NEK10: variants seen among roughly 807,000 people sequenced by gnomAD.
NEK10 encodes serine/threonine-protein kinase Nek10.
A neutral mutation model predicts 159.8 loss-of-function variants in NEK10; 122 were observed. That is an observed-to-expected ratio of 0.76 (90% confidence interval 0.66 to 0.89). The LOEUF (loss-of-function observed/expected upper bound fraction) is 0.89. NEK10 is among the 40% of genes least tolerant of loss of function. The pLI is 0.00. For synonymous variants in NEK10, 466 were observed against 457.1 expected (o/e 1.02, Z -0.25); for missense variants, 1,342 against 1,323.1 (o/e 1.01, Z -0.22).
chr3:27,302,225 G>A (rs988430196), intron 12 of NEK10, among the ~76,000 whole-genome samples: 4 of 152,024 alleles, frequency 2.6e-5, no homozygotes, highest in South Asian at 2.1e-4. Context: ...GAAATGTTTG[G>A]CCCTTTTCAT....
chr3:27,135,607 C>T (rs560553883), intron 31 of NEK10, among the ~76,000 whole-genome samples: 1 of 152,304 alleles, frequency 6.6e-6, no homozygotes, highest in South Asian at 2.1e-4. Context: ...AGAAGACTAT[C>T]CATTGTTCAC....
intron 1 of NEK10, among the ~76,000 whole-genome samples, chr3:27,367,978 A>G (rs550656789): frequency 3.2e-4 from 48 of 152,240 alleles, no homozygotes; most frequent in African/African-American, 1.1e-3. Flanking sequence ...GGGAAGGGAA[A>G]TGCCCTTATG....
intron 23 of NEK10, among the ~76,000 whole-genome samples, chr3:27,218,231 T>C (rs1575307348): frequency 6.6e-6 from 1 of 152,322 alleles, no homozygotes; most frequent in Non-Finnish European, 1.5e-5. Context: ...AACTTACAAA[T>C]TGTTTATTTC....
chr3:27,230,608 T>C (rs1327843769), intron 23 of NEK10, among the ~76,000 whole-genome samples: 1 of 151,930 alleles, frequency 6.6e-6, no homozygotes, highest in African/African-American at 2.4e-5. Flanking sequence ...ACCAAATATC[T>C]GCTGTCCTCA....
At chr3:27,172,228 G>A (rs1457151959) in intron 28 of NEK10, among the ~76,000 whole-genome samples, 4 of 150,660 alleles carry the variant, frequency 2.7e-5, no homozygotes, top group African/African-American at 9.8e-5. Flanking sequence ...CCAGCTACTC[G>A]GGAGGCTAAG....
chr3:27,310,704 T>C, intron 9 of NEK10: 1 of 371,922 alleles, frequency 2.7e-6, no homozygotes, highest in Admixed American at 4.7e-5. Context: ...TAAACCTAGT[T>C]GGTATTAAAT....
intron 31 of NEK10, among the ~76,000 whole-genome samples, chr3:27,132,433 T>C (rs1201990801): frequency 1.3e-5 from 2 of 152,130 alleles, no homozygotes; most frequent in African/African-American, 4.8e-5. Context: ...TCTGCTTTAG[T>C]AGTATATATA....
At chr3:27,127,188 G>A (rs1174536621) in intron 32 of NEK10, among the ~76,000 whole-genome samples, 1 of 152,016 alleles carries the variant, frequency 6.6e-6, no homozygotes, top group Non-Finnish European at 1.5e-5. Flanking sequence ...TCACTCTCAA[G>A]AATTGGAAAG....
intron 31 of NEK10, among the ~76,000 whole-genome samples, chr3:27,136,214 G>A (rs576442564): frequency 7.2e-6 from 1 of 139,572 alleles, no homozygotes; most frequent in Non-Finnish European, 1.5e-5. Context: ...CCAGGTTCAC[G>A]CCACTATCCT....
chr3:27,347,544 A>G (rs1310227941), intron 3 of NEK10, among the ~76,000 whole-genome samples: 3 of 132,770 alleles, frequency 2.3e-5, no homozygotes, highest in Non-Finnish European at 4.8e-5. Flanking sequence ...TCATTTTTTT[A>G]TTCAAAGAGA....
chr3:27,239,368 T>C (rs1309223570), intron 23 of NEK10, among the ~76,000 whole-genome samples: 1 of 152,162 alleles, frequency 6.6e-6, no homozygotes. Flanking sequence ...TTTCCCAAAT[T>C]GGCTGGAGCC....
intron 23 of NEK10, among the ~76,000 whole-genome samples, chr3:27,225,186 G>A (rs1199832455): frequency 6.6e-6 from 1 of 152,148 alleles, no homozygotes; most frequent in Non-Finnish European, 1.5e-5. Flanking sequence ...ATGAAGGCTG[G>A]GAGGTTAGGC....
chr3:27,234,140 T>G (rs895464559), intron 23 of NEK10, among the ~76,000 whole-genome samples: 1 of 152,084 alleles, frequency 6.6e-6, no homozygotes, highest in African/African-American at 2.4e-5. Flanking sequence ...AAGAGCCATA[T>G]ATGACAAACC....
intron 6 of NEK10, among the ~76,000 whole-genome samples, chr3:27,318,774 C>T (rs2045399685): frequency 1.3e-5 from 2 of 152,112 alleles, no homozygotes; most frequent in South Asian, 4.1e-4. Flanking sequence ...ACTGTGTCAT[C>T]AAGGTGGTTG....
intron 25 of NEK10, among the ~76,000 whole-genome samples, chr3:27,199,472 G>C (rs1470178823): frequency 6.6e-6 from 1 of 152,106 alleles, no homozygotes; most frequent in African/African-American, 2.4e-5. Context: ...TGCTGGAAAG[G>C]TTCAGCGAAA....
At chr3:27,221,733 G>A (rs562676834) in intron 23 of NEK10, among the ~76,000 whole-genome samples, 41 of 152,238 alleles carry the variant, frequency 2.7e-4, no homozygotes, top group Admixed American at 2.5e-3. Context: ...AGCTTCTGGA[G>A]GGATTTGCAG....
At chr3:27,337,088 C>G (rs1290397739) in intron 5 of NEK10, among the ~76,000 whole-genome samples, 2 of 151,802 alleles carry the variant, frequency 1.3e-5, no homozygotes, top group African/African-American at 4.8e-5. Flanking sequence ...TTTAGAAAAA[C>G]CAAAGACTCA....
intron 30 of NEK10, 28 bp from the exon 31 acceptor site, chr3:27,141,610 C>T: frequency 6.5e-7 from 1 of 1,548,134 alleles, no homozygotes; most frequent in Non-Finnish European, 8.8e-7. Flanking sequence ...TGTAGTTAGT[C>T]AAGTTCTCTT....
intron 35 of NEK10, among the ~76,000 whole-genome samples, chr3:27,113,491 A>T (rs1939920023): frequency 6.6e-6 from 1 of 150,800 alleles, no homozygotes; most frequent in Non-Finnish European, 1.5e-5. Flanking sequence ...GGATATATGG[A>T]TTTTTAAATG....
Sources: gnomAD v4.1 joint callset for allele counts (sites outside exome capture counted in the v4.1 genomes callset) on GRCh38, gnomAD v4.1.1 for gene constraint, MANE v1.5 for transcripts, NCBI Gene and HGNC (gene_info 2026-07-23, HGNC 2026-07-21) for gene names.